The following MACROD2 variants were observed in gnomAD, a reference collection of about 807,000 sequenced individuals.
MACROD2 encodes ADP-ribose glycohydrolase MACROD2.
A neutral mutation model predicts 70.4 loss-of-function variants in MACROD2; 36 were observed. That is an observed-to-expected ratio of 0.51 (90% CI 0.39 to 0.68). The LOEUF (loss-of-function observed/expected upper bound fraction) is 0.68. Among genes scored for constraint, MACROD2 ranks in the 30% least tolerant of loss-of-function variants. The probability of loss-of-function intolerance (pLI) is 0.00; values close to 1 mark genes in which losing one functional copy is unlikely to be tolerated. For missense variants in MACROD2, 496 were observed against 538.4 expected, an observed-to-expected ratio of 0.92 and a Z score of 0.78; for synonymous variants, 172 against 178.8, an observed-to-expected ratio of 0.96 and a Z score of 0.30.
chr20:15,779,923 T>C (rs1435219015), intron 8 of MACROD2, among the ~76,000 whole-genome samples: 1 of 152,148 alleles, frequency 6.6e-6, no homozygotes, highest in African/African-American at 2.4e-5. Flanking sequence ...GTGCCATTCT[T>C]GTATGAAAAA....
chr20:14,768,787 T>C (rs1259309747), intron 5 of MACROD2, among the ~76,000 whole-genome samples: 1 of 152,136 alleles, frequency 6.6e-6, no homozygotes, highest in Non-Finnish European at 1.5e-5. Context: ...CAGCTAATCC[T>C]TTGCTCTTTT....
chr20:15,658,379 A>T (rs2049765824), intron 8 of MACROD2, among the ~76,000 whole-genome samples: 1 of 152,112 alleles, frequency 6.6e-6, no homozygotes. Flanking sequence ...TCTCCTCGTT[A>T]TTGAAAGCAT....
At chr20:14,198,301 A>G (rs1208182753) in intron 3 of MACROD2, among the ~76,000 whole-genome samples, 1 of 152,174 alleles carries the variant, frequency 6.6e-6, no homozygotes, top group Non-Finnish European at 1.5e-5. Context: ...TTCTCTTTGT[A>G]TACACATTTT....
At chr20:15,387,624 G>A (rs182621542) in intron 6 of MACROD2, among the ~76,000 whole-genome samples, 3 of 151,456 alleles carry the variant, frequency 2.0e-5, no homozygotes, top group African/African-American at 4.9e-5. Context: ...TCTACACCAG[G>A]TCCTGGAGTT....
intron 8 of MACROD2, among the ~76,000 whole-genome samples, chr20:15,769,552 G>C (rs1322753313): frequency 6.6e-6 from 1 of 152,158 alleles, no homozygotes; most frequent in Non-Finnish European, 1.5e-5. Flanking sequence ...CACCACAAAC[G>C]CATGAATAAT....
intron 7 of MACROD2, among the ~76,000 whole-genome samples, chr20:15,437,807 C>T (rs1189700277): frequency 3.9e-5 from 6 of 152,092 alleles, no homozygotes; most frequent in South Asian, 2.1e-4. Context: ...CAGCTGCATC[C>T]GTATTCCTGC....
intron 5 of MACROD2, among the ~76,000 whole-genome samples, chr20:15,225,756 T>G (rs928711566): frequency 6.6e-6 from 1 of 152,206 alleles, no homozygotes; most frequent in Admixed American, 6.5e-5. Flanking sequence ...TTTACTAACA[T>G]TGTTTAGTCT....
At chr20:14,777,994 G>A (rs1600653973) in intron 5 of MACROD2, among the ~76,000 whole-genome samples, 1 of 151,988 alleles carries the variant, frequency 6.6e-6, no homozygotes, top group Non-Finnish European at 1.5e-5. Context: ...GTTGAGCATC[G>A]ACTGAGCTTG....
At chr20:15,212,033 T>C (rs965234655) in intron 5 of MACROD2, among the ~76,000 whole-genome samples, 10 of 152,224 alleles carry the variant, frequency 6.6e-5, no homozygotes, top group African/African-American at 1.9e-4. Context: ...ATCTGCCTTT[T>C]TGTTGATAGC....
intron 3 of MACROD2, among the ~76,000 whole-genome samples, chr20:14,164,471 A>G (rs1296530196): frequency 6.6e-6 from 1 of 152,128 alleles, no homozygotes; most frequent in Non-Finnish European, 1.5e-5. Context: ...TGGGTCAGGC[A>G]GGTAGGCAGG....
At chr20:15,092,530 T>C (rs1220908704) in intron 5 of MACROD2, among the ~76,000 whole-genome samples, 3 of 151,042 alleles carry the variant, frequency 2.0e-5, no homozygotes, top group Non-Finnish European at 3.0e-5. Context: ...TTTTATTTTC[T>C]AGGAAGGAAA....
intron 8 of MACROD2, among the ~76,000 whole-genome samples, chr20:15,605,690 G>T (rs1258468459): frequency 2.0e-5 from 3 of 152,112 alleles, no homozygotes; most frequent in Non-Finnish European, 4.4e-5. Context: ...TGAAAACTTG[G>T]TTCTAATTTA....
At chr20:14,053,784 CTG>C (rs1218541041) in intron 2 of MACROD2, 11 of 152,082 alleles carry the variant, frequency 7.2e-5, no homozygotes, top group Non-Finnish European at 1.3e-4. Context: ...ACTTAAATAA[CTG>C]TGCTTTTTGT....
chr20:15,584,545 AC>A (rs2048570102), intron 8 of MACROD2, among the ~76,000 whole-genome samples: 1 of 152,206 alleles, frequency 6.6e-6, no homozygotes, highest in South Asian at 2.1e-4. Context: ...TTAAAGAAAA[AC>A]CCTAAGCAAA....
chr20:14,664,864 G>T (rs1856573957), intron 4 of MACROD2, among the ~76,000 whole-genome samples: 2 of 152,088 alleles, frequency 1.3e-5, no homozygotes, highest in Non-Finnish European at 2.9e-5. Flanking sequence ...CATCAAAATA[G>T]TATTGATGGA....
intron 10 of MACROD2, among the ~76,000 whole-genome samples, chr20:15,927,006 A>C (rs919765997): frequency 6.6e-6 from 1 of 152,186 alleles, no homozygotes; most frequent in African/African-American, 2.4e-5. Context: ...GAGGGGATGG[A>C]GGATGGCCCC....
intron 5 of MACROD2, among the ~76,000 whole-genome samples, chr20:14,928,686 C>T (rs545253124): frequency 9.5e-4 from 145 of 152,280 alleles, no homozygotes; most frequent in Non-Finnish European, 1.7e-3. Context: ...CATGATGCCA[C>T]ATGGTAGCTG....
intron 8 of MACROD2, among the ~76,000 whole-genome samples, chr20:15,722,326 T>G (rs539674634): frequency 6.6e-6 from 1 of 152,062 alleles, no homozygotes; most frequent in African/African-American, 2.4e-5. Flanking sequence ...CCCAAGGAGG[T>G]TGTACCAAAT....
chr20:14,520,571 A>G (rs2085156247), intron 4 of MACROD2, among the ~76,000 whole-genome samples: 1 of 151,786 alleles, frequency 6.6e-6, no homozygotes, highest in Non-Finnish European at 1.5e-5. Flanking sequence ...GCATGTTACA[A>G]TCTACATACT....
Sources: allele counts gnomAD v4.1 joint callset (sites outside exome capture counted in the v4.1 genomes callset), GRCh38; gene constraint gnomAD v4.1.1; transcripts MANE v1.5; gene names NCBI Gene and HGNC (gene_info 2026-07-23, HGNC 2026-07-21).